Variants in GPD2 observed in about 807,000 individuals in gnomAD.
GPD2 encodes the protein glycerol-3-phosphate dehydrogenase 2, also known as glycerol-3-phosphate dehydrogenase, mitochondrial.
Under a neutral mutation model 82.4 loss-of-function variants are expected in GPD2, and 54 were observed. That is an observed-to-expected ratio of 0.66 (90% CI 0.53 to 0.82). The LOEUF is 0.82. Ranked by LOEUF, GPD2 falls within the 40% of genes least tolerant of loss-of-function variation. The probability of loss-of-function intolerance (pLI) is 0.00; values close to 1 mark genes in which losing one functional copy is unlikely to be tolerated. For synonymous variants in GPD2, 288 were observed against 306.1 expected (o/e 0.94, Z 0.62); for missense variants, 748 against 896.2 (o/e 0.83, Z 2.11).
intron 1 of GPD2, among the ~76,000 whole-genome samples, chr2:156,471,582 C>T (rs890603764): frequency 9.2e-5 from 14 of 152,194 alleles, no homozygotes; most frequent in African/African-American, 3.4e-4. Context: ...GCTCCCCTTT[C>T]TCCACCAATT....
chr2:156,521,037 G>A (rs1685387430), intron 6 of GPD2, among the ~76,000 whole-genome samples: 1 of 152,182 alleles, frequency 6.6e-6, no homozygotes, highest in South Asian at 2.1e-4. Flanking sequence ...TAGGGGAACT[G>A]TTGCATGTGT....
the GPD2 span, among the ~76,000 whole-genome samples, chr2:156,411,903 G>A: frequency 2.2e-4 from 33 of 151,460 alleles, no homozygotes; most frequent in Non-Finnish European, 4.4e-4. Context: ...ATCTTTCATG[G>A]GCTTTAGGAA....
intron 1 of GPD2, among the ~76,000 whole-genome samples, chr2:156,462,048 C>T (rs1304614086): frequency 1.3e-5 from 2 of 152,162 alleles, no homozygotes; most frequent in African/African-American, 2.4e-5. Flanking sequence ...AAGGAATTTT[C>T]GAGTTTTTTA....
chr2:156,478,622 T>C (rs1289535877), intron 2 of GPD2, among the ~76,000 whole-genome samples: 3 of 152,152 alleles, frequency 2.0e-5, no homozygotes, highest in Admixed American at 1.3e-4. Flanking sequence ...TCAGAAAATA[T>C]CTGCCAATAA....
intron 1 of GPD2, among the ~76,000 whole-genome samples, chr2:156,449,174 A>G (rs1294179839): frequency 6.6e-6 from 1 of 151,216 alleles, no homozygotes; most frequent in Non-Finnish European, 1.5e-5. Context: ...TTTTTTCCTT[A>G]TAACATTCAC....
At chr2:156,562,661 C>T (rs1687218876) in intron 9 of GPD2, among the ~76,000 whole-genome samples, 1 of 152,060 alleles carries the variant, frequency 6.6e-6, no homozygotes, top group Non-Finnish European at 1.5e-5. Flanking sequence ...TTCCTGTGGG[C>T]TTTATTTTCT....
At chr2:156,428,667 C>A in the GPD2 span, among the ~76,000 whole-genome samples, 2 of 152,208 alleles carry the variant, frequency 1.3e-5, no homozygotes, top group Non-Finnish European at 2.9e-5. Flanking sequence ...AAATAATACA[C>A]TTCCCATTAA....
chr2:156,519,569 G>T (rs1366867312), intron 6 of GPD2, among the ~76,000 whole-genome samples: 2 of 152,182 alleles, frequency 1.3e-5, no homozygotes, highest in Non-Finnish European at 2.9e-5. Flanking sequence ...TGCAACCAAG[G>T]TTTAAAATTA....
the GPD2 span, among the ~76,000 whole-genome samples, chr2:156,426,869 A>G: frequency 1.3e-5 from 2 of 152,342 alleles, no homozygotes; most frequent in East Asian, 3.9e-4. Flanking sequence ...TGTGGCAGTC[A>G]AGGGTTTTTG....
chr2:156,549,811 C>A (rs761559781), intron 7 of GPD2, 39 bp downstream of exon 7: 1 of 1,426,784 alleles, frequency 7.0e-7, no homozygotes, highest in Non-Finnish European at 9.9e-7. Flanking sequence ...TTCTTAGTAT[C>A]TTGCCTAGCT....
intron 6 of GPD2, among the ~76,000 whole-genome samples, chr2:156,545,826 TTGACTC>T (rs147814675): frequency 3.1e-3 from 473 of 152,348 alleles, no homozygotes; most frequent in Non-Finnish European, 5.4e-3. Flanking sequence ...TTGCCAAACT[TTGACTC>T]TGAGGAGAGC....
chr2:156,477,224 A>T (rs369657139), intron 2 of GPD2, among the ~76,000 whole-genome samples: 1 of 152,180 alleles, frequency 6.6e-6, no homozygotes, highest in East Asian at 1.9e-4. Flanking sequence ...TGAGCCCAGA[A>T]GTTTGAGACC....
At chr2:156,555,921 T>G (rs986803539) in intron 8 of GPD2, among the ~76,000 whole-genome samples, 3 of 152,196 alleles carry the variant, frequency 2.0e-5, no homozygotes, top group Non-Finnish European at 4.4e-5. Flanking sequence ...AGATAGGCTG[T>G]GAACAGTGAC....
At chr2:156,453,417 GA>G (rs1230706440) in intron 1 of GPD2, among the ~76,000 whole-genome samples, 2 of 152,234 alleles carry the variant, frequency 1.3e-5, no homozygotes, top group Non-Finnish European at 2.9e-5. Context: ...GACTACAGTA[GA>G]TAAACTGAAG....
intron 3 of GPD2, among the ~76,000 whole-genome samples, chr2:156,499,597 T>C (rs1684512894): frequency 6.6e-6 from 1 of 152,180 alleles, no homozygotes. Flanking sequence ...CTTTGTATAT[T>C]TATAGTTTTT....
Position 156,512,296 on chromosome 2 carries a change from CT to C in GPD2, c.477del (p.Ile160Ter). On this transcript the variant is annotated frameshift_variant, in exon 5 of 17. Transcript: ENST00000438166. LOFTEE classifies it high-confidence loss of function. ...EIAPHLSAPL[P>X]IMLPVYKWWQ... ...GCTCCCCATTTATCAGCTCCATTGCCTATAATGCTTCCAGTTTACAAGTAAG... is the reference window on the plus strand; with the variant it reads ...GCTCCCCATTTATCAGCTCCATTGCCATAATGCTTCCAGTTTACAAGTAAG... 1 of 1,579,490 alleles carries C rather than the reference CT, an allele frequency of 6.3e-7. No individual in the cohort carries two copies. Among genetic ancestry groups the C allele is most frequent in the Non-Finnish European group, 8.7e-7 (1 of 1,148,408 alleles).
At chr2:156,537,895 T>C (rs1236292151) in intron 6 of GPD2, among the ~76,000 whole-genome samples, 1 of 152,212 alleles carries the variant, frequency 6.6e-6, no homozygotes, top group East Asian at 1.9e-4. Flanking sequence ...AGGGCAGAGA[T>C]TATATCTGTA....
chr2:156,413,392 G>T, the GPD2 span, among the ~76,000 whole-genome samples: 1 of 151,738 alleles, frequency 6.6e-6, no homozygotes, highest in African/African-American at 2.4e-5. Flanking sequence ...GACCAGCCTG[G>T]CAAACATGGC....
Position 156,584,367 on chromosome 2 carries a change from C to T in GPD2, c.*1449C>T, listed in dbSNP as rs1436464676. The T allele has an allele frequency of 6.6e-6, 1 of 151,936 alleles. No homozygotes were observed. The highest frequency in any genetic ancestry group is 1.9e-4 in the East Asian group (1 of 5,178). 9.4% of individuals were successfully genotyped at this position (151,936 alleles called of 1,614,324 possible). A position where few individuals can be genotyped will look rare whatever the true frequency, so the allele number is the denominator to read the frequency against. On this transcript the variant is annotated 3_prime_UTR_variant, in exon 17 of 17. Transcript: ENST00000438166. ...GGTTTTTATTGCAGAGACTTGAAGT[C>T]TTAGTTTTTTAAACTGGCACATAAA... is the stretch of plus-strand genomic sequence containing the variant.
Sources: gnomAD v4.1 joint callset for allele counts (sites outside exome capture counted in the v4.1 genomes callset) on GRCh38, gnomAD v4.1.1 for gene constraint, MANE v1.5 for transcripts, NCBI Gene and HGNC (gene_info 2026-07-23, HGNC 2026-07-21) for gene names.